HNRNPA1L2: variants seen among roughly 807,000 people sequenced by gnomAD.
HNRNPA1L2 encodes heterogeneous nuclear ribonucleoprotein A1 like 2, also known as heterogeneous nuclear ribonucleoprotein A1-like 2.
HNRNPA1L2 carries 10 observed loss-of-function variants against 18.2 expected under a neutral mutation model. That is an observed-to-expected ratio of 0.55 (90% confidence interval 0.34 to 0.93). HNRNPA1L2 has a LOEUF of 0.93. HNRNPA1L2 is among the 40% of genes least tolerant of loss of function. The pLI is 0.02. For missense variants in HNRNPA1L2, 308 were observed against 394.4 expected (o/e 0.78, Z 1.85); for synonymous variants, 124 against 138.6 (o/e 0.89, Z 0.74).
the HNRNPA1L2 span, among the ~76,000 whole-genome samples, chr13:52,621,831 T>C: frequency 6.6e-6 from 1 of 152,156 alleles, no homozygotes; most frequent in African/African-American, 2.4e-5. Context: ...GCATATAGTA[T>C]GTGCTAATAA....
At chr13:52,626,349 A>G in the HNRNPA1L2 span, among the ~76,000 whole-genome samples, 9 of 151,732 alleles carry the variant, frequency 5.9e-5, no homozygotes, top group Non-Finnish European at 1.2e-4. Context: ...CAAGCTACTC[A>G]GGAAGATGAT....
At chr13:52,626,062 G>T in the HNRNPA1L2 span, among the ~76,000 whole-genome samples, 1 of 152,004 alleles carries the variant, frequency 6.6e-6, no homozygotes, top group Non-Finnish European at 1.5e-5. Flanking sequence ...TTACAGGCAT[G>T]AGCCACCATG....
At chr13:52,640,999 TA>T (rs1365757640), upstream of HNRNPA1L2, 1 of 152,246 alleles carries the variant, frequency 6.6e-6, no homozygotes, top group Non-Finnish European at 1.5e-5. Context: ...GTTTCTACCT[TA>T]GTTTAAGTTA....
At chr13:52,626,182 A>G in the HNRNPA1L2 span, among the ~76,000 whole-genome samples, 676 of 152,248 alleles carry the variant, frequency 4.4e-3, 5 homozygotes, top group African/African-American at 0.015. Flanking sequence ...AACTTTAGGA[A>G]TTTGGGAGCT....
At chr13:52,628,525 C>T in the HNRNPA1L2 span, among the ~76,000 whole-genome samples, 6 of 151,910 alleles carry the variant, frequency 3.9e-5, no homozygotes, top group African/African-American at 1.5e-4. Context: ...TGTGTTTGAA[C>T]AAATACAAGG....
chr13:52,628,424 C>T, the HNRNPA1L2 span, among the ~76,000 whole-genome samples: 1 of 152,056 alleles, frequency 6.6e-6, no homozygotes, highest in Non-Finnish European at 1.5e-5. Flanking sequence ...GTCTGGGCGA[C>T]AGCGAGAGAC....
chr13:52,625,423 C>T, the HNRNPA1L2 span, among the ~76,000 whole-genome samples: 130 of 152,226 alleles, frequency 8.5e-4, no homozygotes, highest in East Asian at 0.016. Flanking sequence ...CTGAAAGATA[C>T]TTTAACAAGT....
Position 52,643,401 on chromosome 13 carries a change from T to C in HNRNPA1L2, c.909T>C (p.Gly303=), listed in dbSNP as rs1219053981. Residue 303 remains glycine (G), a synonymous_variant, in exon 1 of 1, where the codon GGT becomes GGC. Coordinates refer to ENST00000357495, the MANE Select transcript of HNRNPA1L2 (RefSeq NM_001389320.1). ...ACTTTGCAAAACCACAAAACCAAGG[T>C]GGCTATGGCGTTTCCAGCAGCAGCA... ...GQYFAKPQNQ[G]GYGVSSSSSS... 6.3e-7 allele frequency: 1 copy of C among 1,598,632 alleles called. No individual in the cohort carries two copies. Among genetic ancestry groups the C allele is most frequent in the South Asian group, 1.1e-5 (1 of 91,048 alleles).
the HNRNPA1L2 span, among the ~76,000 whole-genome samples, chr13:52,627,001 A>G: frequency 1.3e-5 from 2 of 152,186 alleles, no homozygotes; most frequent in Non-Finnish European, 2.9e-5. Context: ...GCATGAGCTG[A>G]GTACTCTTCC....
In HNRNPA1L2 at chr13:52,642,513, A is replaced by G. The variant is rs200157716; in HGVS notation, c.21A>G (p.Pro7=). The G allele has an allele frequency of 5.5e-5, 88 of 1,611,826 alleles. No individual in the cohort carries two copies. Among genetic ancestry groups the G allele is most frequent in the Non-Finnish European group, 6.9e-5 (81 of 1,179,860 alleles). ...CCGTCATGTCTAAGTCAGCGTCTCC[A>G]AAAGAGCCCGAACAGCTGAGGAAGC... MSKSAS[P]KEPEQLRKLF... is the part of the protein sequence containing the mutation. The change falls in exon 1 of 1, where the codon CCA becomes CCG. Residue 7 remains proline (P), a synonymous_variant. Coordinates refer to ENST00000357495, the MANE Select transcript of HNRNPA1L2 (RefSeq NM_001389320.1).
the HNRNPA1L2 span, among the ~76,000 whole-genome samples, chr13:52,631,346 C>T: frequency 9.2e-5 from 14 of 152,324 alleles, no homozygotes; most frequent in African/African-American, 3.4e-4. Flanking sequence ...AAAGAAACCA[C>T]GTATAAACTC....
the HNRNPA1L2 span, among the ~76,000 whole-genome samples, chr13:52,625,036 A>T: frequency 6.6e-6 from 1 of 150,416 alleles, no homozygotes; most frequent in Non-Finnish European, 1.5e-5. Context: ...ATCTCAAAAT[A>T]AAAAAAAAAG....
chr13:52,624,271 G>A, the HNRNPA1L2 span, among the ~76,000 whole-genome samples: 1 of 152,096 alleles, frequency 6.6e-6, no homozygotes, highest in Non-Finnish European at 1.5e-5. Context: ...CTGCCACCAT[G>A]CCTGGCAAAT....
the HNRNPA1L2 span, among the ~76,000 whole-genome samples, chr13:52,631,834 T>C: frequency 4.6e-5 from 7 of 152,234 alleles, no homozygotes; most frequent in Admixed American, 4.6e-4. Flanking sequence ...AACTCTGATA[T>C]TAATTTCAAT....
At chr13:52,621,177 G>A in the HNRNPA1L2 span, among the ~76,000 whole-genome samples, 1 of 152,170 alleles carries the variant, frequency 6.6e-6, no homozygotes, top group Non-Finnish European at 1.5e-5. Context: ...TTAGAATTAG[G>A]ACATCTTTTG....
chr13:52,642,142 A>G (rs1364518563), upstream of HNRNPA1L2: 1 of 291,378 alleles, frequency 3.4e-6, no homozygotes, highest in Non-Finnish European at 6.4e-6. Context: ...CTTAAACCAT[A>G]TTGTTTGCCA....
the HNRNPA1L2 span, among the ~76,000 whole-genome samples, chr13:52,632,109 T>G: frequency 6.6e-6 from 1 of 152,016 alleles, no homozygotes; most frequent in Non-Finnish European, 1.5e-5. Context: ...GTTTTATAAT[T>G]TTTCACAACA....
chr13:52,626,416 TC>T, the HNRNPA1L2 span, among the ~76,000 whole-genome samples: 1 of 141,860 alleles, frequency 7.0e-6, no homozygotes, highest in East Asian at 2.0e-4. Context: ...CATACTGAGA[TC>T]CCATCTCTTA....
chr13:52,641,483 C>A (rs1961653329), upstream of HNRNPA1L2: 1 of 152,194 alleles, frequency 6.6e-6, no homozygotes, highest in African/African-American at 2.4e-5. Flanking sequence ...ACTGTCCTAT[C>A]CTGCTTCTGT....
Sources: allele counts gnomAD v4.1 joint callset (sites outside exome capture counted in the v4.1 genomes callset), GRCh38; gene constraint gnomAD v4.1.1; transcripts MANE v1.5; gene names NCBI Gene and HGNC (gene_info 2026-07-23, HGNC 2026-07-21).